The following CELF2 variants were observed in gnomAD, a reference collection of about 807,000 sequenced individuals.
The protein encoded by CELF2 is CUG triplet repeat RNA-binding protein 2.
In CELF2, 8 loss-of-function variants were observed where a neutral mutation model predicts 62.6. The ratio of observed to expected loss-of-function variants is 0.13; its 90% CI spans 0.07 to 0.23. The LOEUF is 0.23. Among genes scored for constraint, CELF2 ranks in the 10% least tolerant of loss-of-function variants. The probability of loss-of-function intolerance (pLI) is 1.00; values close to 1 mark genes in which losing one functional copy is unlikely to be tolerated. For synonymous variants in CELF2, 258 were observed against 250.0 expected (o/e 1.03, Z -0.30); for missense variants, 333 against 671.0 (o/e 0.50, Z 5.56).
the CELF2 span, among the ~76,000 whole-genome samples, chr10:10,730,416 G>T: frequency 3.9e-5 from 6 of 152,152 alleles, no homozygotes; most frequent in African/African-American, 1.4e-4. Flanking sequence ...GGCAGAAGTT[G>T]CAGTGAGCCA....
rs1341092013 is a variant in CELF2 at position 11,177,380 on chromosome 10, G to A, written c.271+11698G>A. 6.6e-6 allele frequency among the ~76,000 whole-genome samples: 1 copy of A among 151,290 alleles called. No homozygotes were observed. The highest frequency in any genetic ancestry group is 1.5e-5 in the Non-Finnish European group (1 of 67,902). On this transcript the variant is annotated intron_variant, in intron 2 of 12. Coordinates refer to ENST00000633077, the MANE Select transcript of CELF2 (RefSeq NM_001326342.2). This position sits in a 1 kb window ranked among gnomAD's most constrained non-coding sequence, Gnocchi z 4.8. ...CCTTCAAGTCAGGTTAGCTTACCTT[G>A]GGTGTTTGTATTTTGTTGGCTTATG...
At chr10:10,797,229 C>T (rs953556095), upstream of CELF2, among the ~76,000 whole-genome samples, 2 of 152,090 alleles carry the variant, frequency 1.3e-5, no homozygotes, top group Admixed American at 1.3e-4. Context: ...GAAGTTGGGA[C>T]CCTTCCTCCG....
rs56373613 is a variant in CELF2, at chr10:11,202,901, ATCTCTCTCTCTCTCTCTCTC to A, written c.272-14492_272-14473del. Among the ~76,000 whole-genome samples, 13 of 70,988 alleles carry A rather than the reference ATCTCTCTCTCTCTCTCTCTC, an allele frequency of 1.8e-4. No homozygotes were observed. In the South Asian group the frequency reaches 3.5e-3, roughly 19 times the overall value. The allele number at this position is 70,988 out of a possible 152,430, so 46.6% of individuals were successfully genotyped here. The stretch of plus-strand genomic sequence containing the variant: ...TGCCTGCCTTCCCACCCCCATCCTC[ATCTCTCTCTCTCTCTCTCTC>A]TCTCTCTCTCTCTCTCTCTCTCTCT... On this transcript the variant is annotated intron_variant, in intron 2 of 12. Transcript: ENST00000633077.
chr10:10,733,903 C>G, the CELF2 span, among the ~76,000 whole-genome samples: 79 of 152,146 alleles, frequency 5.2e-4, no homozygotes, highest in African/African-American at 1.8e-3. Flanking sequence ...TTAAATTTAG[C>G]GACCCTCTTT....
chr10:10,892,558 G>A (rs372599037), intron 1 of CELF2, among the ~76,000 whole-genome samples: 26 of 152,280 alleles, frequency 1.7e-4, no homozygotes, highest in African/African-American at 4.6e-4. Context: ...AGAAATCTCC[G>A]TTTATCAAAA....
chr10:10,805,734 G>T (rs1054582081), intron 1 of CELF2, among the ~76,000 whole-genome samples: 2 of 152,184 alleles, frequency 1.3e-5, no homozygotes, highest in Non-Finnish European at 1.5e-5. Flanking sequence ...AGCCCGGCTG[G>T]AGTTTGATCA....
intron 1 of CELF2, among the ~76,000 whole-genome samples, chr10:10,887,325 TC>T (rs2061822079): frequency 6.6e-6 from 1 of 152,202 alleles, no homozygotes; most frequent in African/African-American, 2.4e-5. Flanking sequence ...TTAATAGGAC[TC>T]TTTCACCATT....
At chr10:10,781,328 T>C in the CELF2 span, among the ~76,000 whole-genome samples, 1 of 152,230 alleles carries the variant, frequency 6.6e-6, no homozygotes, top group South Asian at 2.1e-4. Context: ...CTATACAGGT[T>C]GGTAGCTGTG....
the CELF2 span, among the ~76,000 whole-genome samples, chr10:10,786,908 C>CACAA: frequency 6.6e-6 from 1 of 152,066 alleles, no homozygotes; most frequent in African/African-American, 2.4e-5. Context: ...GACACACACA[C>CACAA]ACACACACAC....
chr10:11,189,868 A>G (rs624964), intron 2 of CELF2, among the ~76,000 whole-genome samples: 57,567 of 152,104 alleles, frequency 0.38, 11,582 homozygotes, highest in East Asian at 0.67. Flanking sequence ...TTCCTTGGCC[A>G]TGCTTTCCAG....
intron 1 of CELF2, among the ~76,000 whole-genome samples, chr10:10,889,840 TC>T (rs1477610035): frequency 1.3e-5 from 2 of 152,170 alleles, no homozygotes; most frequent in African/African-American, 4.8e-5. Context: ...TGGTTCTGAT[TC>T]TAAGAAAAGT....
At chr10:10,745,280 T>C in the CELF2 span, among the ~76,000 whole-genome samples, 1 of 152,170 alleles carries the variant, frequency 6.6e-6, no homozygotes, top group Non-Finnish European at 1.5e-5. Flanking sequence ...TAACATTTAT[T>C]GGTCACAGCT....
intron 1 of CELF2, among the ~76,000 whole-genome samples, chr10:11,135,175 A>G (rs2060237181): frequency 1.3e-5 from 2 of 152,230 alleles, no homozygotes; most frequent in Admixed American, 1.3e-4. Flanking sequence ...CAGCTCTGGC[A>G]TCATGTGCCG....
At chr10:11,222,301 C>G (rs567568689) in intron 3 of CELF2, among the ~76,000 whole-genome samples, 2 of 152,338 alleles carry the variant, frequency 1.3e-5, no homozygotes, top group East Asian at 3.9e-4. Context: ...CCACGATTAT[C>G]ATCATTTTAT....
chr10:11,131,575 C>CA (rs1160445951), intron 1 of CELF2, among the ~76,000 whole-genome samples: 2 of 152,228 alleles, frequency 1.3e-5, no homozygotes, highest in Non-Finnish European at 2.9e-5. Flanking sequence ...TCACATCTAT[C>CA]AATCACGGGC....
chr10:10,726,447 G>A, the CELF2 span, among the ~76,000 whole-genome samples: 4 of 152,092 alleles, frequency 2.6e-5, no homozygotes, highest in African/African-American at 7.2e-5. Context: ...TCCCAACCAG[G>A]GAAATTTAAT....
At chr10:11,218,534 G>A (rs75031973) in intron 3 of CELF2, among the ~76,000 whole-genome samples, 15,188 of 152,244 alleles carry the variant, frequency 0.1, 754 homozygotes, top group Middle Eastern at 0.15. Context: ...ATACAAGATC[G>A]TAGTGGCAAA....
At chr10:10,896,949 G>A (rs575086199) in intron 1 of CELF2, among the ~76,000 whole-genome samples, 9 of 152,292 alleles carry the variant, frequency 5.9e-5, no homozygotes, top group South Asian at 4.1e-4. Flanking sequence ...GGAAACTAAC[G>A]TTGATTTTGG....
At chr10:10,669,337 T>A in the CELF2 span, among the ~76,000 whole-genome samples, 1 of 152,186 alleles carries the variant, frequency 6.6e-6, no homozygotes, top group Non-Finnish European at 1.5e-5. Context: ...AATAAAATGT[T>A]TTATTATGCT....
Sources: gnomAD v4.1 joint callset for allele counts (sites outside exome capture counted in the v4.1 genomes callset) on GRCh38, gnomAD v4.1.1 for gene constraint, Gnocchi (gnomAD v3.1) non-coding constraint, MANE v1.5 for transcripts, NCBI Gene and HGNC (gene_info 2026-07-23, HGNC 2026-07-21) for gene names.